The following SET variants were observed in gnomAD, a reference collection of about 807,000 sequenced individuals.
SET encodes SET nuclear proto-oncogene.
SET carries 4 observed loss-of-function variants against 39.0 expected under a neutral mutation model. The observed-to-expected ratio is 0.10, with a 90% confidence interval of 0.05 to 0.23. The LOEUF is 0.23. SET is among the 10% of genes least tolerant of loss of function. SET has a pLI of 1.00. For missense variants in SET, 137 were observed against 329.7 expected (o/e 0.42, Z 4.53); for synonymous variants, 114 against 115.9 (o/e 0.98, Z 0.11).
At chr9:128,692,348 G>C in intron 3 of SET, 1 of 207,122 alleles carries the variant, frequency 4.8e-6, no homozygotes. Flanking sequence ...AGTGAGCCGA[G>C]ATTGTGCGCT....
chr9:128,688,495 A>C (rs1032208396), upstream of SET, among the ~76,000 whole-genome samples: 1 of 152,218 alleles, frequency 6.6e-6, no homozygotes, highest in Admixed American at 6.5e-5. Flanking sequence ...CTTAACGCTC[A>C]GTATGATTCT....
At chr9:128,684,599 G>A (rs1402912260), upstream of SET, among the ~76,000 whole-genome samples, 1 of 151,908 alleles carries the variant, frequency 6.6e-6, no homozygotes, top group Non-Finnish European at 1.5e-5. Flanking sequence ...CCCGGTCCCC[G>A]CCGACCTCTC....
intron 1 of SET, chr9:128,690,874 A>T (rs745453232): frequency 1.0e-4 from 44 of 423,846 alleles, no homozygotes; most frequent in Admixed American, 2.8e-4. Flanking sequence ...GAATAAGGTT[A>T]TTCTGTGTCT....
At position 128,689,546 on chromosome 9, in the gene SET, C is replaced by A; in HGVS notation, c.-37C>A. The A allele has an allele frequency of 1.7e-6, 2 of 1,176,156 alleles. No homozygotes were observed. Among genetic ancestry groups the A allele is most frequent in the Non-Finnish European group, 2.3e-6 (2 of 885,150 alleles). The allele number at this position is 1,176,156 out of a possible 1,614,324, so 72.9% of individuals were successfully genotyped here. On this transcript the variant is annotated 5_prime_UTR_variant, in exon 1 of 8. Coordinates refer to ENST00000322030, the MANE Select transcript of SET (RefSeq NM_003011.4). ...CGCCCCCTTCGCCTTCCCTTCTCTC[C>A]CCCTCCCCGCTCCCCCCCCGACCGC...
At chr9:128,688,103 C>T (rs113396142), upstream of SET, among the ~76,000 whole-genome samples, 6,903 of 151,890 alleles carry the variant, frequency 0.045, 512 homozygotes, top group African/African-American at 0.16. Context: ...CCCAGCTACT[C>T]GGGAGGCCGA....
exon 1 of SET, chr9:128,683,685 T>C: frequency 2.1e-6 from 1 of 474,258 alleles, no homozygotes; most frequent in Non-Finnish European, 3.8e-6. Context: ...AGAGAGCAAC[T>C]AAAAGAAATT....
chr9:128,691,104 AGTAT>A (rs745559717), intron 1 of SET, 62 bp from the exon 2 acceptor site: 1 of 1,210,170 alleles, frequency 8.3e-7, no homozygotes. Flanking sequence ...GGAATATTAT[AGTAT>A]TAACATCTGG....
intron 3 of SET, 72 bp from the exon 4 acceptor site, chr9:128,692,590 A>G: frequency 9.6e-7 from 1 of 1,044,218 alleles, no homozygotes; most frequent in Non-Finnish European, 1.5e-6. Context: ...GAAAAATTTT[A>G]AAGGGATCAC....
chr9:128,693,256 C>T (rs1001375203), intron 5 of SET, among the ~76,000 whole-genome samples: 3 of 152,110 alleles, frequency 2.0e-5, no homozygotes, highest in Admixed American at 6.6e-5. Context: ...AAAAATCTAG[C>T]CCAAGTTTAA....
At chr9:128,687,320 T>G (rs1296488225), upstream of SET, among the ~76,000 whole-genome samples, 1 of 150,470 alleles carries the variant, frequency 6.6e-6, no homozygotes, top group African/African-American at 2.5e-5. Context: ...TAAGAGCTGA[T>G]AGTGGGCCGA....
intron 7 of SET, 140 bp from the exon 8 acceptor site, chr9:128,694,501 G>T (rs1046547005): frequency 1.6e-5 from 9 of 552,288 alleles, no homozygotes; most frequent in Non-Finnish European, 2.3e-5. Flanking sequence ...ACATCATCAC[G>T]GGTGTTTCCT....
At chr9:128,687,688 T>G (rs181387466), upstream of SET, among the ~76,000 whole-genome samples, 46 of 151,344 alleles carry the variant, frequency 3.0e-4, no homozygotes, top group African/African-American at 1.0e-3. Flanking sequence ...CAACCCCAAG[T>G]TCTGGTTAAA....
chr9:128,684,074 A>AC (rs1427841764), intron 1 of SET: 10 of 1,284,016 alleles, frequency 7.8e-6, no homozygotes, highest in East Asian at 5.1e-5. Flanking sequence ...TCTGATTTTT[A>AC]CCCCCCAATC....
At position 128,689,564 on chromosome 9, in the gene SET, C is replaced by A. The variant is rs774568299; in HGVS notation, c.-19C>A. The A allele has an allele frequency of 3.7e-6, 5 of 1,343,326 alleles. No individual in the cohort carries two copies. The highest frequency in any genetic ancestry group is 1.6e-5 in the South Asian group (1 of 63,852). 83.2% of individuals were successfully genotyped at this position (1,343,326 alleles called of 1,614,324 possible). A position where few individuals can be genotyped will look rare whatever the true frequency, so the allele number is the denominator to read the frequency against. On this transcript the variant is annotated 5_prime_UTR_variant, in exon 1 of 8. Transcript: ENST00000322030. The stretch of plus-strand genomic sequence containing the variant: ...TTCTCTCCCCCTCCCCGCTCCCCCC[C>A]CGACCGCGGAGCAGCACCATGTCGG...
chr9:128,689,124 C>A, upstream of SET: 1 of 290,098 alleles, frequency 3.4e-6, no homozygotes, highest in African/African-American at 2.3e-5. Context: ...TCCGCCCCCT[C>A]ATCCCGCCGC....
In SET at chr9:128,689,477, C is replaced by T. The variant is rs1317293753; in HGVS notation, c.-106C>T. 2 of 645,118 alleles carry T rather than the reference C, an allele frequency of 3.1e-6. No homozygotes were observed. The highest frequency in any genetic ancestry group is 4.3e-6 in the Non-Finnish European group (2 of 470,400). 40.0% of individuals were successfully genotyped at this position (645,118 alleles called of 1,614,324 possible). On this transcript the variant is annotated 5_prime_UTR_variant, in exon 1 of 8. Coordinates refer to ENST00000322030, the MANE Select transcript of SET (RefSeq NM_003011.4). ...GAGCGCCGGGAGGAGGCGGCCGGAC[C>T]GAGCGGGCGCCCGCGCGTGTGGCGT...
chr9:128,691,159 C>T lies in SET; in HGVS notation c.74-11C>T. 6.2e-7 allele frequency: 1 copy of T among 1,600,104 alleles called. No individual in the cohort carries two copies. The highest frequency in any genetic ancestry group is 8.5e-7 in the Non-Finnish European group (1 of 1,172,856). ...TATCTTAGAATTAAGTTTTTTGCTCCTTTTTTGCAGAAAAAGAACAGCAAG... is the reference window on the plus strand; with the variant it reads ...TATCTTAGAATTAAGTTTTTTGCTCTTTTTTTGCAGAAAAAGAACAGCAAG... On this transcript the variant is annotated splice_polypyrimidine_tract_variant and intron_variant, in intron 1 of 7. Coordinates refer to ENST00000322030, the MANE Select transcript of SET (RefSeq NM_003011.4).
At chr9:128,688,299 C>T (rs901582536), upstream of SET, among the ~76,000 whole-genome samples, 45 of 152,306 alleles carry the variant, frequency 3.0e-4, no homozygotes, top group African/African-American at 1.1e-3. Flanking sequence ...GAATGTGGGG[C>T]ATCCGCATTA....
upstream of SET, chr9:128,689,155 C>T: frequency 1.8e-6 from 1 of 554,030 alleles, no homozygotes; most frequent in Non-Finnish European, 2.3e-6. Context: ...GGCGCCGCGG[C>T]GCGAGCCTCC....
Sources: gnomAD v4.1 joint callset for allele counts (sites outside exome capture counted in the v4.1 genomes callset) on GRCh38, gnomAD v4.1.1 for gene constraint, MANE v1.5 for transcripts, NCBI Gene and HGNC (gene_info 2026-07-23, HGNC 2026-07-21) for gene names.